DDHD1: variants seen among roughly 807,000 people sequenced by gnomAD.
DDHD1 encodes phospholipase DDHD1.
A neutral mutation model predicts 96.4 loss-of-function variants in DDHD1; 49 were observed. The ratio of observed to expected loss-of-function variants is 0.51; its 90% CI spans 0.40 to 0.64. The LOEUF (loss-of-function observed/expected upper bound fraction) is 0.64, where lower values mean the gene tolerates loss of function less well. Ranked by LOEUF, DDHD1 falls within the 30% of genes least tolerant of loss-of-function variation. DDHD1 has a pLI of 0.00. For synonymous variants in DDHD1, 442 were observed against 446.5 expected, an observed-to-expected ratio of 0.99 and a Z score of 0.13; for missense variants, 1,106 against 1,161.2, an observed-to-expected ratio of 0.95 and a Z score of 0.69.
At chr14:53,075,601 A>G (rs1018898501) in intron 4 of DDHD1, among the ~76,000 whole-genome samples, 1 of 152,164 alleles carries the variant, frequency 6.6e-6, no homozygotes, top group Non-Finnish European at 1.5e-5. Context: ...GATCTAGCCA[A>G]AATAATCCAT....
intron 4 of DDHD1, among the ~76,000 whole-genome samples, chr14:53,077,544 T>A (rs559595843): frequency 6.6e-6 from 1 of 152,296 alleles, no homozygotes; most frequent in Non-Finnish European, 1.5e-5. Flanking sequence ...ACTCACAGAT[T>A]TAAGCATATT....
At position 53,152,870 on chromosome 14, in the gene DDHD1, G is replaced by A. The variant is rs761737191; in HGVS notation, c.229C>T (p.His77Tyr). 11 of 1,610,902 alleles carry A rather than the reference G, an allele frequency of 6.8e-6. No homozygotes were observed. The East Asian group carries it at 1.6e-4, about 23-fold the overall frequency. The part of the protein sequence containing the change: ...LAPGTDDHNH[H>Y]LALDPCLSDE... ...CTGAGGCAGGGGTCCAGCGCGAGGT[G>A]GTGGTTGTGGTCGTCGGTGCCCGGC... The change falls in exon 1 of 13, where the codon CAC becomes TAC. Residue 77 changes from histidine to tyrosine, a missense_variant. Transcript: ENST00000673822.
intron 1 of DDHD1, among the ~76,000 whole-genome samples, chr14:53,123,544 T>G (rs1889172522): frequency 6.6e-6 from 1 of 152,178 alleles, no homozygotes; most frequent in Non-Finnish European, 1.5e-5. Context: ...TGTGGTATAT[T>G]CATGGAATGA....
intron 4 of DDHD1, among the ~76,000 whole-genome samples, chr14:53,086,547 A>G (rs1295829122): frequency 1.6e-5 from 2 of 128,532 alleles, no homozygotes; most frequent in Admixed American, 8.5e-5. Flanking sequence ...ATATCCAGCC[A>G]AACCAAGCTT....
intron 2 of DDHD1, chr14:53,102,901 A>G (rs1887413553): frequency 1.2e-6 from 1 of 848,144 alleles, no homozygotes; most frequent in South Asian, 1.8e-5. Flanking sequence ...TAATATTTTA[A>G]TTCATTAGAT....
At chr14:53,105,646 A>G (rs145624212) in intron 1 of DDHD1, among the ~76,000 whole-genome samples, 86 of 152,290 alleles carry the variant, frequency 5.6e-4, no homozygotes, top group African/African-American at 2.0e-3. Flanking sequence ...TATCATATAC[A>G]TTCCTTTATT....
intron 1 of DDHD1, among the ~76,000 whole-genome samples, chr14:53,139,833 C>A (rs1179438347): frequency 2.6e-5 from 3 of 113,312 alleles, no homozygotes; most frequent in Non-Finnish European, 1.8e-5. Context: ...AACACACTGC[C>A]AAGAGACCAC....
intron 1 of DDHD1, among the ~76,000 whole-genome samples, chr14:53,113,207 A>C (rs1470999521): frequency 6.6e-6 from 1 of 151,764 alleles, no homozygotes; most frequent in East Asian, 1.9e-4. Flanking sequence ...ACCTCAAGTG[A>C]TCTGCCTGCT....
intron 8 of DDHD1, among the ~76,000 whole-genome samples, chr14:53,059,833 C>A (rs1311299497): frequency 7.8e-6 from 1 of 127,916 alleles, no homozygotes; most frequent in Admixed American, 9.2e-5. Flanking sequence ...CACTGCACTC[C>A]AGCCTGGGTG....
At position 53,046,180 on chromosome 14, in the gene DDHD1, A is replaced by G. The variant is rs1332742003; in HGVS notation, c.*588T>C. The G allele has an allele frequency of 1.3e-5, 2 of 152,240 alleles. No individual in the cohort carries two copies. The highest frequency in any genetic ancestry group is 3.8e-4 in the East Asian group (2 of 5,200). 9.4% of individuals were successfully genotyped at this position (152,240 alleles called of 1,614,324 possible). A position where few individuals can be genotyped will look rare whatever the true frequency, so the allele number is the denominator to read the frequency against. On this transcript the variant is annotated 3_prime_UTR_variant, in exon 13 of 13. Coordinates refer to ENST00000673822, the MANE Select transcript of DDHD1 (RefSeq NM_001160148.2). ...TTATGTTCAAAGCAAACATTAAAACAGTAATGTCTCATACACTGAAATAAA... is the reference window on the plus strand; with the variant it reads ...TTATGTTCAAAGCAAACATTAAAACGGTAATGTCTCATACACTGAAATAAA...
At position 53,152,373 on chromosome 14, in the gene DDHD1, C is replaced by T. The variant is rs766669438; in HGVS notation, c.726G>A (p.Thr242=). 5 of 1,613,846 alleles carry T rather than the reference C, an allele frequency of 3.1e-6. No individual in the cohort carries two copies. Among genetic ancestry groups the T allele is most frequent in the Non-Finnish European group, 4.2e-6 (5 of 1,179,976 alleles). Residue 242 remains threonine, a synonymous_variant, in exon 1 of 13, where the codon ACG becomes ACA. Transcript: ENST00000673822. ...GCTCCACCATCTCCGGCTCGTGCCC[C>T]GTCGTACTCTGGCAGAAGCCGCAGG... The part of the protein sequence containing the change: ...DRACGFCQST[T]GHEPEMVELV...
rs1383096828 is a variant in DDHD1, at chr14:53,058,591, T to G, written c.1878A>C (p.Ala626=). ...GGATGCCACGCAACGCCAAGAAAAC[T>G]GCTAATGGGGATCCCATACAGAAGA... ...ENFFCMGSPL[A]VFLALRGIRP... Residue 626 remains alanine, a synonymous_variant, in exon 9 of 13, where the codon GCA becomes GCC. Transcript: ENST00000673822. 6.2e-7 allele frequency: 1 copy of G among 1,613,250 alleles called. No individual in the cohort carries two copies. The highest frequency in any genetic ancestry group is 8.5e-7 in the Non-Finnish European group (1 of 1,179,770).
Position 53,040,429 on chromosome 14 carries a change from T to G in DDHD1, c.*6339A>C, listed in dbSNP as rs1343375737. 1 of 152,216 alleles carries G rather than the reference T, an allele frequency of 6.6e-6. No homozygotes were observed. Among genetic ancestry groups the G allele is most frequent in the East Asian group, 1.9e-4 (1 of 5,194 alleles). The allele number at this position is 152,216 out of a possible 1,614,324, so 9.4% of individuals were successfully genotyped here. A position where few individuals can be genotyped will look rare whatever the true frequency, so the allele number is the denominator to read the frequency against. ...ATGATGAGGATTATTTTCTCCAGAA[T>G]GCTTAGAACAGCCTAGTCTGAGGTT... On this transcript the variant is annotated 3_prime_UTR_variant, in exon 13 of 13. Coordinates refer to ENST00000673822, the MANE Select transcript of DDHD1 (RefSeq NM_001160148.2).
chr14:53,083,921 T>C (rs2139964407), intron 4 of DDHD1, among the ~76,000 whole-genome samples: 1 of 152,024 alleles, frequency 6.6e-6, no homozygotes, highest in East Asian at 1.9e-4. Flanking sequence ...GGGTTTTTTT[T>C]TGAGCCACCT....
chr14:53,093,120 A>C (rs1412903800), intron 3 of DDHD1, 196 bp downstream of exon 3: 3 of 386,252 alleles, frequency 7.8e-6, no homozygotes, highest in Non-Finnish European at 1.3e-5. Flanking sequence ...ATCATTCTAA[A>C]TATATAATAA....
intron 1 of DDHD1, among the ~76,000 whole-genome samples, chr14:53,119,328 G>A (rs1208103428): frequency 6.6e-6 from 1 of 152,158 alleles, no homozygotes; most frequent in African/African-American, 2.4e-5. Context: ...AACCTTAAAT[G>A]TAAATGGGCT....
At chr14:53,062,754 C>T (rs1388848793) in intron 7 of DDHD1, among the ~76,000 whole-genome samples, 189 bp downstream of exon 7, 5 of 152,058 alleles carry the variant, frequency 3.3e-5, no homozygotes, top group Admixed American at 3.3e-4. Flanking sequence ...TTATTTTATG[C>T]TACAGGAAAA....
intron 11 of DDHD1, chr14:53,052,911 C>T (rs1196950152): frequency 6.6e-6 from 1 of 151,724 alleles, no homozygotes; most frequent in Non-Finnish European, 1.5e-5. Context: ...TGCACCTCTA[C>T]TAACTGCTGT....
At chr14:53,139,702 C>CAAAAACAA (rs920899192) in intron 1 of DDHD1, among the ~76,000 whole-genome samples, 1 of 151,626 alleles carries the variant, frequency 6.6e-6, no homozygotes, top group African/African-American at 2.4e-5. Context: ...AAAACAAAAA[C>CAAAAACAA]AAAAACAAAA....
Sources: allele counts gnomAD v4.1 joint callset (sites outside exome capture counted in the v4.1 genomes callset), GRCh38; gene constraint gnomAD v4.1.1; transcripts MANE v1.5; gene names NCBI Gene and HGNC (gene_info 2026-07-23, HGNC 2026-07-21).